The following LYZL2 variants were observed in gnomAD, a reference collection of about 807,000 sequenced individuals.
LYZL2 encodes lysozyme like 2.
Under a neutral mutation model 17.1 loss-of-function variants are expected in LYZL2, and 13 were observed. The observed-to-expected ratio is 0.76, with a 90% CI of 0.49 to 1.21. The LOEUF (loss-of-function observed/expected upper bound fraction) is 1.21. Among genes scored for constraint, LYZL2 ranks in the 50% most tolerant of loss-of-function variants. LYZL2 has a pLI of 0.00. For synonymous variants in LYZL2, 63 were observed against 74.4 expected (o/e 0.85, Z 0.79); for missense variants, 166 against 189.2 (o/e 0.88, Z 0.72).
intron 4 of LYZL2, 53 bp from the exon 5 acceptor site, chr10:30,612,077 C>T (rs1564406291): frequency 4.4e-6 from 7 of 1,598,052 alleles, no homozygotes; most frequent in Non-Finnish European, 3.4e-6. Context: ...CAATCCAAAC[C>T]GTCTCAGTTT....
At chr10:30,624,960 C>T (rs896323828) in intron 3 of LYZL2, among the ~76,000 whole-genome samples, 2 of 152,152 alleles carry the variant, frequency 1.3e-5, no homozygotes, top group Non-Finnish European at 2.9e-5. Flanking sequence ...AGTAAGGGGC[C>T]ATGAGTCAAG....
In LYZL2 at chr10:30,626,180, A is replaced by G; in HGVS notation, c.223T>C (p.Phe75Leu). The change falls in exon 3 of 5, where the codon TTC becomes CTC. Residue 75 changes from phenylalanine (F) to leucine (L), a missense_variant. Phe to Leu is a conservative substitution (Grantham distance 22). This residue lies in a region of LYZL2 where 134 missense variants were observed against 129.4 expected (regional missense o/e 1.04). Coordinates refer to ENST00000647634, the MANE Select transcript of LYZL2 (RefSeq NM_183058.3). ...CACCACGCGAAGCTGTTGATCTGGA[A>G]GATGCCGTAGTCGATGCTGCCGTCA... ...LDDGSIDYGI[F>L]QINSFAWCRR... is the part of the protein sequence containing the mutation. 18 of 1,614,174 alleles carry G rather than the reference A, an allele frequency of 1.1e-5. No homozygotes were observed. Among genetic ancestry groups the G allele is most frequent in the Non-Finnish European group, 1.5e-5 (18 of 1,179,974 alleles).
chr10:30,617,829 A>T (rs1458100942), intron 3 of LYZL2, among the ~76,000 whole-genome samples: 3 of 152,082 alleles, frequency 2.0e-5, no homozygotes, highest in African/African-American at 7.2e-5. Flanking sequence ...GGCCAGGGCA[A>T]TCAGGCAGGA....
chr10:30,611,688 GAAAGAAAGAAAGAA>G (rs1388481078), downstream of LYZL2: 59 of 362,394 alleles, frequency 1.6e-4, no homozygotes, highest in Non-Finnish European at 2.5e-4. Flanking sequence ...AGGAAGGAAG[GAAAGAAAGAAAGAA>G]AAAGAAAGAA....
intron 3 of LYZL2, among the ~76,000 whole-genome samples, chr10:30,625,802 T>TTTC (rs1228708821): frequency 2.0e-5 from 3 of 152,266 alleles, no homozygotes; most frequent in Non-Finnish European, 4.4e-5. Context: ...CAGCTTCCTT[T>TTTC]TTCTTACTGA....
At chr10:30,607,012 G>A (rs1177139191), downstream of LYZL2, among the ~76,000 whole-genome samples, 1 of 151,004 alleles carries the variant, frequency 6.6e-6, no homozygotes, top group Non-Finnish European at 1.5e-5. Context: ...CTGGATTCAA[G>A]CAATTCTCCT....
downstream of LYZL2, among the ~76,000 whole-genome samples, chr10:30,611,511 AGG>A (rs1838433290): frequency 6.3e-5 from 9 of 143,350 alleles, no homozygotes; most frequent in South Asian, 4.5e-4. Context: ...AAAAAAAAAA[AGG>A]AAGGAAGGAA....
Position 30,611,832 on chromosome 10 carries a change from A to G in LYZL2, c.*123T>C. The G allele has an allele frequency of 3.2e-6, 5 of 1,543,372 alleles. No homozygotes were observed. The highest frequency in any genetic ancestry group is 4.4e-6 in the Non-Finnish European group (5 of 1,138,642). ...TTTATTTTCTTAAAAGTATAGCTTA[A>G]TTTTCCCTCTCCAAGTTTGAGAAGG... On this transcript the variant is annotated 3_prime_UTR_variant, in exon 5 of 5. Coordinates refer to ENST00000647634, the MANE Select transcript of LYZL2 (RefSeq NM_183058.3).
intron 3 of LYZL2, among the ~76,000 whole-genome samples, chr10:30,622,077 C>T (rs1007364053): frequency 6.6e-6 from 1 of 152,126 alleles, no homozygotes; most frequent in South Asian, 2.1e-4. Context: ...ATAATGATGC[C>T]TATTGGAAAC....
chr10:30,617,368 A>G (rs1838544488), intron 3 of LYZL2, among the ~76,000 whole-genome samples: 2 of 152,130 alleles, frequency 1.3e-5, no homozygotes, highest in South Asian at 2.1e-4. Context: ...ATTGGACACA[A>G]CTGAATTTCC....
At chr10:30,612,108 C>A (rs1838455914) in intron 4 of LYZL2, 84 bp from the exon 5 acceptor site, 4 of 1,509,700 alleles carry the variant, frequency 2.6e-6, no homozygotes, top group Non-Finnish European at 3.6e-6. Context: ...AGAAATTAAC[C>A]AAAATCGCCA....
chr10:30,621,118 G>T (rs373396792), intron 3 of LYZL2, among the ~76,000 whole-genome samples: 58 of 152,172 alleles, frequency 3.8e-4, no homozygotes, highest in African/African-American at 1.1e-3. Flanking sequence ...TACCAAGTAA[G>T]ATAAACACAA....
intron 2 of LYZL2, 93 bp downstream of exon 2, chr10:30,626,684 T>C (rs1173213551): frequency 2.0e-5 from 31 of 1,567,314 alleles, no homozygotes; most frequent in Non-Finnish European, 2.4e-5. Context: ...GCAGGGGTAG[T>C]TGGGGAGACA....
the LYZL2 span, among the ~76,000 whole-genome samples, chr10:30,606,648 TTCA>T: frequency 6.6e-6 from 1 of 152,160 alleles, no homozygotes; most frequent in African/African-American, 2.4e-5. Context: ...AACACAGAAC[TTCA>T]GTGTCTTGTC....
chr10:30,611,876 G>A lies in LYZL2; in HGVS notation c.*79C>T. 31 of 1,608,570 alleles carry A rather than the reference G, an allele frequency of 1.9e-5. No homozygotes were observed. In the South Asian group the frequency reaches 3.2e-4, roughly 17 times the overall value. ...GAGAAGGAATATTGGGAGGAAACGG[G>A]ACAAGATGACACAGGCATTTGGACA... On this transcript the variant is annotated 3_prime_UTR_variant, in exon 5 of 5. Coordinates refer to ENST00000647634, the MANE Select transcript of LYZL2 (RefSeq NM_183058.3).
At chr10:30,628,688 C>T (rs575097480) in intron 1 of LYZL2, among the ~76,000 whole-genome samples, 22 of 152,232 alleles carry the variant, frequency 1.4e-4, no homozygotes, top group Admixed American at 1.2e-3. Context: ...AGTTTCTCTC[C>T]CTGGGGCTGG....
intron 3 of LYZL2, among the ~76,000 whole-genome samples, chr10:30,616,263 T>A (rs1033038242): frequency 6.6e-6 from 1 of 152,260 alleles, no homozygotes; most frequent in Non-Finnish European, 1.5e-5. Flanking sequence ...AACAAAATTC[T>A]ATTAACCAGG....
rs748430735 is a variant in LYZL2, at chr10:30,626,732, G to A, written c.139+45C>T. The stretch of plus-strand genomic sequence containing the variant: ...TAGCCAGGACCTTCAACATCTCAGG[G>A]GAAAGGTCAAGGACAGAAAGAGAGC... On this transcript the variant is annotated intron_variant, in intron 2 of 4. Coordinates refer to ENST00000647634, the MANE Select transcript of LYZL2 (RefSeq NM_183058.3). The A allele has an allele frequency of 4.3e-6, 7 of 1,611,436 alleles. No homozygotes were observed. The South Asian group carries it at 6.6e-5, about 15-fold the overall frequency.
chr10:30,613,349 T>C (rs1478681050), intron 3 of LYZL2, among the ~76,000 whole-genome samples: 2 of 151,988 alleles, frequency 1.3e-5, no homozygotes, highest in Non-Finnish European at 2.9e-5. Context: ...GTAAAAAAAA[T>C]AGCCTAGTGT....
Sources: allele counts gnomAD v4.1 joint callset (sites outside exome capture counted in the v4.1 genomes callset), GRCh38; gene constraint gnomAD v4.1.1; regional missense constraint gnomAD v4.1.1; transcripts MANE v1.5; gene names NCBI Gene and HGNC (gene_info 2026-07-23, HGNC 2026-07-21).